The following MICU1 variants were observed in gnomAD, a reference collection of about 807,000 sequenced individuals.
MICU1 encodes mitochondrial calcium uptake 1.
In MICU1, 45 loss-of-function variants were observed where a neutral mutation model predicts 56.8. The ratio of observed to expected loss-of-function variants is 0.79; its 90% CI spans 0.62 to 1.02. The LOEUF is 1.02. Among genes scored for constraint, MICU1 ranks in the 50% least tolerant of loss-of-function variants. MICU1 has a pLI of 0.00. For synonymous variants in MICU1, 186 were observed against 195.1 expected (o/e 0.95, Z 0.39); for missense variants, 504 against 587.1 (o/e 0.86, Z 1.46).
chr10:72,403,164 T>C (rs1335813523), intron 10 of MICU1, among the ~76,000 whole-genome samples: 2 of 151,866 alleles, frequency 1.3e-5, no homozygotes, highest in Non-Finnish European at 2.9e-5. Flanking sequence ...GATCATGAGG[T>C]CAGGAGTTCA....
At chr10:72,606,815 T>C (rs1209530869) in intron 1 of MICU1, among the ~76,000 whole-genome samples, 1 of 152,112 alleles carries the variant, frequency 6.6e-6, no homozygotes, top group African/African-American at 2.4e-5. Flanking sequence ...ATTTCAGCCC[T>C]GGCCTCCAGG....
At chr10:72,419,275 G>A (rs1436304220) in intron 9 of MICU1, among the ~76,000 whole-genome samples, 3 of 152,174 alleles carry the variant, frequency 2.0e-5, no homozygotes, top group Non-Finnish European at 4.4e-5. Context: ...CTATACATTC[G>A]TAATCAGTTT....
chr10:72,415,928 G>A (rs1026400166), intron 9 of MICU1, among the ~76,000 whole-genome samples: 1 of 152,054 alleles, frequency 6.6e-6, no homozygotes, highest in African/African-American at 2.4e-5. Flanking sequence ...AGGCTCAGAG[G>A]ACTATTTTTC....
intron 10 of MICU1, among the ~76,000 whole-genome samples, chr10:72,384,590 C>T (rs1019873205): frequency 6.6e-6 from 1 of 152,126 alleles, no homozygotes; most frequent in African/African-American, 2.4e-5. Flanking sequence ...CTCCTTAGGG[C>T]ACTTACCTAA....
chr10:72,496,849 G>A (rs1361975688), intron 6 of MICU1, among the ~76,000 whole-genome samples: 1 of 152,194 alleles, frequency 6.6e-6, no homozygotes, highest in Non-Finnish European at 1.5e-5. Flanking sequence ...TGGGATTACA[G>A]GAGTGAGCCA....
chr10:72,590,037 A>G (rs1008095248), intron 1 of MICU1, among the ~76,000 whole-genome samples: 16 of 152,312 alleles, frequency 1.1e-4, no homozygotes, highest in African/African-American at 3.6e-4. Context: ...ATCTACCAGC[A>G]TATAAGTCTC....
intron 1 of MICU1, among the ~76,000 whole-genome samples, chr10:72,600,638 G>T (rs1172818351): frequency 1.7e-5 from 2 of 118,716 alleles, no homozygotes; most frequent in Admixed American, 9.7e-5. Context: ...GACAGAGAGA[G>T]ACTCCGTCTC....
At chr10:72,449,383 G>A (rs1406268303) in intron 8 of MICU1, among the ~76,000 whole-genome samples, 1 of 151,988 alleles carries the variant, frequency 6.6e-6, no homozygotes, top group African/African-American at 2.4e-5. Context: ...GGGTGACAGA[G>A]CAAGACTCTG....
intron 10 of MICU1, among the ~76,000 whole-genome samples, chr10:72,380,145 C>T (rs1333656049): frequency 3.3e-5 from 5 of 152,248 alleles, no homozygotes; most frequent in African/African-American, 7.2e-5. Flanking sequence ...TTTATGCAGA[C>T]CAGTTGTTGG....
intron 1 of MICU1, among the ~76,000 whole-genome samples, chr10:72,599,216 A>G (rs976640548): frequency 6.6e-6 from 1 of 152,220 alleles, no homozygotes; most frequent in Non-Finnish European, 1.5e-5. Flanking sequence ...CCTAAACACC[A>G]AAAGAGAGAA....
At chr10:72,381,963 T>TACACACAC (rs10535513) in intron 10 of MICU1, among the ~76,000 whole-genome samples, 4,482 of 138,360 alleles carry the variant, frequency 0.032, 103 homozygotes, top group Admixed American at 0.047. Context: ...TATATATCTA[T>TACACACAC]ACACACACAC....
At chr10:72,569,231 A>ATTTTT (rs1156509426) in intron 1 of MICU1, among the ~76,000 whole-genome samples, 55 of 39,522 alleles carry the variant, frequency 1.4e-3, no homozygotes, top group Non-Finnish European at 2.1e-3. Context: ...ATATATATAT[A>ATTTTT]TATATATTTT....
chr10:72,533,329 C>A (rs1298600270), intron 5 of MICU1, among the ~76,000 whole-genome samples: 2 of 152,158 alleles, frequency 1.3e-5, no homozygotes, highest in African/African-American at 4.8e-5. Context: ...ATAATTATTA[C>A]AAAAGCACTA....
At chr10:72,446,894 C>G (rs1368624446) in intron 8 of MICU1, among the ~76,000 whole-genome samples, 1 of 152,176 alleles carries the variant, frequency 6.6e-6, no homozygotes, top group Non-Finnish European at 1.5e-5. Context: ...ACACTTGCTT[C>G]TGTTAACTTT....
intron 5 of MICU1, chr10:72,509,421 A>G: frequency 7.5e-7 from 1 of 1,326,482 alleles, no homozygotes; most frequent in Non-Finnish European, 9.9e-7. Context: ...AGATCCCATC[A>G]TAAACCACAA....
intron 8 of MICU1, chr10:72,467,988 T>G (rs1205309400): frequency 2.0e-5 from 3 of 151,894 alleles, no homozygotes; most frequent in Non-Finnish European, 2.9e-5. Context: ...GGCATGGGCC[T>G]CTACATTCGG....
At chr10:72,388,249 A>AGGTG (rs1407980694) in intron 10 of MICU1, among the ~76,000 whole-genome samples, 1 of 152,238 alleles carries the variant, frequency 6.6e-6, no homozygotes, top group Admixed American at 6.5e-5. Context: ...GGTCATTGGA[A>AGGTG]GGTGTATCTA....
chr10:72,517,137 G>A (rs1232545239), intron 5 of MICU1, among the ~76,000 whole-genome samples: 8 of 152,152 alleles, frequency 5.3e-5, no homozygotes, highest in Non-Finnish European at 8.8e-5. Context: ...AAATAAATAC[G>A]TCAAAATTTG....
In MICU1 at chr10:72,443,538, G is replaced by A. The variant is rs1291964386; in HGVS notation, c.934-20167C>T. Among the ~76,000 whole-genome samples the A allele has an allele frequency of 6.8e-4, 103 of 152,124 alleles. 2 individuals carry two copies. The East Asian group carries it at 0.018, about 26-fold the overall frequency. On this transcript the variant is annotated intron_variant, in intron 8 of 11. Transcript: ENST00000361114. ...TTAAGTCTTTAATCCATCTTGAATTGATTTTTGTATAAGGTATAAGGAAGG... is the reference window on the plus strand; with the variant it reads ...TTAAGTCTTTAATCCATCTTGAATTAATTTTTGTATAAGGTATAAGGAAGG...
Sources: gnomAD v4.1 joint callset for allele counts (sites outside exome capture counted in the v4.1 genomes callset) on GRCh38, gnomAD v4.1.1 for gene constraint, MANE v1.5 for transcripts, NCBI Gene and HGNC (gene_info 2026-07-23, HGNC 2026-07-21) for gene names.